The following PSMG4 variants were observed in gnomAD, a reference collection of about 807,000 sequenced individuals.
The protein encoded by PSMG4 is proteasome assembly chaperone 4.
In PSMG4, 10 loss-of-function variants were observed where a neutral mutation model predicts 11.0. The ratio of observed to expected loss-of-function variants is 0.91; its 90% CI spans 0.56 to 1.54. The LOEUF is 1.54. PSMG4 is among the 40% of genes most tolerant of loss of function. PSMG4 has a pLI of 0.00. For missense variants in PSMG4, 198 were observed against 160.9 expected (o/e 1.23, Z -1.25); for synonymous variants, 95 against 71.3 (o/e 1.33, Z -1.68).
Position 3,258,965 on chromosome 6 carries a change from G to A in PSMG4, c.-58G>A. On this transcript the variant is annotated 5_prime_UTR_variant, in exon 1 of 3. Coordinates refer to ENST00000438998, the MANE Select transcript of PSMG4 (RefSeq NM_001128591.2). ...GGTGCTCGCTCCATCGGGTCTGGCGGGGCTGGCAGCGGCGAGGACCCGGGT... is the reference window on the plus strand; with the variant it reads ...GGTGCTCGCTCCATCGGGTCTGGCGAGGCTGGCAGCGGCGAGGACCCGGGT... The A allele has an allele frequency of 1.6e-6, 2 of 1,230,168 alleles. No homozygotes were observed. Among genetic ancestry groups the A allele is most frequent in the Non-Finnish European group, 2.0e-6 (2 of 983,896 alleles). The allele number at this position is 1,230,168 out of a possible 1,614,324, so 76.2% of individuals were successfully genotyped here.
intron 1 of PSMG4, among the ~76,000 whole-genome samples, chr6:3,263,224 T>C (rs879302606): frequency 1.3e-5 from 2 of 152,226 alleles, no homozygotes; most frequent in Admixed American, 1.3e-4. Flanking sequence ...AGCAGCATGC[T>C]CCCTCACAGG....
intron 1 of PSMG4, 110 bp downstream of exon 1, chr6:3,259,306 C>T: frequency 9.7e-7 from 1 of 1,026,154 alleles, no homozygotes; most frequent in Non-Finnish European, 1.2e-6. Flanking sequence ...GGGCGCCCTA[C>T]TCCCCCGAAG....
chr6:3,261,745 G>A (rs11242839), intron 1 of PSMG4, among the ~76,000 whole-genome samples: 103,628 of 151,776 alleles, frequency 0.68, 38,369 homozygotes, highest in Non-Finnish European at 0.83. Flanking sequence ...CCTGTGACCC[G>A]TGGGGCGGCC....
chr6:3,256,803 G>A (rs1393077038), upstream of PSMG4, among the ~76,000 whole-genome samples: 1 of 152,228 alleles, frequency 6.6e-6, no homozygotes, highest in Non-Finnish European at 1.5e-5. Flanking sequence ...GCCTCCATCA[G>A]TTATTGTATG....
chr6:3,255,265 C>A (rs911607723), upstream of PSMG4: 1 of 1,545,490 alleles, frequency 6.5e-7, no homozygotes, highest in Non-Finnish European at 8.7e-7. Context: ...TGTGTTACCA[C>A]GGCTGTCTTA....
At chr6:3,264,156 G>C (rs928939912) in intron 2 of PSMG4, 56 of 1,547,962 alleles carry the variant, frequency 3.6e-5, no homozygotes, top group Non-Finnish European at 4.7e-5. Context: ...TGGTGGAGCA[G>C]GTGTCACCTC....
chr6:3,263,179 G>T (rs1176222418), intron 1 of PSMG4, among the ~76,000 whole-genome samples: 3 of 152,142 alleles, frequency 2.0e-5, no homozygotes, highest in Non-Finnish European at 2.9e-5. Flanking sequence ...AAGTCACAAG[G>T]CACTCGCTGA....
At chr6:3,254,819 T>G (rs1177430327), upstream of PSMG4, among the ~76,000 whole-genome samples, 1 of 152,256 alleles carries the variant, frequency 6.6e-6, no homozygotes. Flanking sequence ...ACACCAATTC[T>G]GGACACAGTG....
upstream of PSMG4, among the ~76,000 whole-genome samples, chr6:3,258,416 A>G (rs1026003637): frequency 8.5e-5 from 13 of 152,122 alleles, no homozygotes; most frequent in African/African-American, 3.1e-4. Flanking sequence ...GCTTTCTCCC[A>G]ATACCGTTGC....
chr6:3,267,476 T>C (rs9328157), intron 2 of PSMG4, 115 bp from the exon 3 acceptor site: 1,057,807 of 1,226,992 alleles, frequency 0.86, 457,382 homozygotes, highest in Non-Finnish European at 0.87. Context: ...GAGCTTTCTT[T>C]TCTCCCTACA....
upstream of PSMG4, chr6:3,258,944 C>G (rs1464587166): frequency 1.7e-6 from 2 of 1,204,512 alleles, no homozygotes; most frequent in Non-Finnish European, 2.1e-6. Flanking sequence ...TCTCTCGGTG[C>G]TCGCTCCATC....
Position 3,259,117 on chromosome 6 carries a change from G to A in PSMG4, c.95G>A (p.Arg32Gln). The change falls in exon 1 of 3, where the codon CGG (arginine) becomes CAG (glutamine). Residue 32 changes from arginine to glutamine, a missense_variant. By Grantham distance (43) the Arg-to-Gln change is conservative. Transcript: ENST00000438998. ...CAGCTGGTCCACTTCCACGTCATGCGGCTGACGGACTCGCTGTTCCTGTGG... is the reference window on the plus strand; with the variant it reads ...CAGCTGGTCCACTTCCACGTCATGCAGCTGACGGACTCGCTGTTCCTGTGG... ...WEQLVHFHVM[R>Q]LTDSLFLWVG... 1 of 1,282,334 alleles carries A rather than the reference G, an allele frequency of 7.8e-7. No individual in the cohort carries two copies. Among genetic ancestry groups the A allele is most frequent in the Non-Finnish European group, 9.9e-7 (1 of 1,012,994 alleles). 79.4% of individuals were successfully genotyped at this position (1,282,334 alleles called of 1,614,324 possible).
chr6:3,267,877 C>A lies in PSMG4; in HGVS notation c.*165C>A. ...TGTGGGCCAAAAGGCTCATACTGACCCACCTGGTGAAGGAGAGGCAAAGTG... is the reference window on the plus strand; with the variant it reads ...TGTGGGCCAAAAGGCTCATACTGACACACCTGGTGAAGGAGAGGCAAAGTG... On this transcript the variant is annotated 3_prime_UTR_variant, in exon 3 of 3. Transcript: ENST00000438998. 1.5e-6 allele frequency: 1 copy of A among 645,236 alleles called. No individual in the cohort carries two copies. Among genetic ancestry groups the A allele is most frequent in the Non-Finnish European group, 2.6e-6 (1 of 391,138 alleles). The allele number at this position is 645,236 out of a possible 1,614,324, so 40.0% of individuals were successfully genotyped here.
At chr6:3,257,503 CA>C (rs1757806014), upstream of PSMG4, among the ~76,000 whole-genome samples, 1 of 152,100 alleles carries the variant, frequency 6.6e-6, no homozygotes, top group Admixed American at 6.5e-5. Flanking sequence ...TGAAGGGCCT[CA>C]AATCACAAAG....
chr6:3,264,523 C>T, intron 2 of PSMG4: 1 of 1,054,144 alleles, frequency 9.5e-7, no homozygotes, highest in Non-Finnish European at 1.3e-6. Context: ...GAGGCAAATG[C>T]ACACGAATAG....
intron 2 of PSMG4, chr6:3,263,990 C>G (rs1448741717): frequency 2.3e-6 from 3 of 1,312,962 alleles, no homozygotes; most frequent in African/African-American, 3.0e-5. Flanking sequence ...GGACTCCCAC[C>G]TCGTCCTTGG....
At chr6:3,262,416 T>C (rs912974048) in intron 1 of PSMG4, among the ~76,000 whole-genome samples, 2 of 152,270 alleles carry the variant, frequency 1.3e-5, no homozygotes, top group African/African-American at 4.8e-5. Context: ...TTGAGGAATC[T>C]GTAAACAGCA....
At chr6:3,260,204 A>ATT (rs201064918) in intron 1 of PSMG4, among the ~76,000 whole-genome samples, 2 of 65,740 alleles carry the variant, frequency 3.0e-5, no homozygotes, top group Non-Finnish European at 9.6e-5. Flanking sequence ...AGTGAGCCCG[A>ATT]CTCTTCTCAT....
chr6:3,254,770 T>G (rs1297528925), upstream of PSMG4, among the ~76,000 whole-genome samples: 1 of 152,200 alleles, frequency 6.6e-6, no homozygotes, highest in African/African-American at 2.4e-5. Context: ...AATGCTCACC[T>G]GTAGGGTCTG....
Sources: gnomAD v4.1 joint callset for allele counts (sites outside exome capture counted in the v4.1 genomes callset) on GRCh38, gnomAD v4.1.1 for gene constraint, MANE v1.5 for transcripts, NCBI Gene and HGNC (gene_info 2026-07-23, HGNC 2026-07-21) for gene names.